Variants in FER observed in about 807,000 individuals in gnomAD.
The protein encoded by FER is tyrosine-protein kinase Fer.
A neutral mutation model predicts 111.0 loss-of-function variants in FER; 63 were observed. The observed-to-expected ratio is 0.57, with a 90% CI of 0.46 to 0.70. The LOEUF (loss-of-function observed/expected upper bound fraction) is 0.70, where lower values mean the gene tolerates loss of function less well. FER is among the 30% of genes least tolerant of loss of function. FER has a pLI of 0.00. For missense variants in FER, 914 were observed against 954.0 expected (o/e 0.96, Z 0.55); for synonymous variants, 327 against 313.9 (o/e 1.04, Z -0.44).
chr5:108,937,686 C>T (rs1439284201), intron 10 of FER, among the ~76,000 whole-genome samples: 1 of 151,732 alleles, frequency 6.6e-6, no homozygotes, highest in Non-Finnish European at 1.5e-5. Flanking sequence ...TGTAGGCATA[C>T]ATGGTCAATA....
At chr5:109,126,589 C>G (rs1026876289) in intron 17 of FER, among the ~76,000 whole-genome samples, 2 of 152,146 alleles carry the variant, frequency 1.3e-5, no homozygotes, top group Non-Finnish European at 2.9e-5. Flanking sequence ...TTCTGTCTCT[C>G]ATGGGTGTGA....
chr5:108,790,122 T>A (rs1216077784), intron 2 of FER, among the ~76,000 whole-genome samples: 2 of 152,076 alleles, frequency 1.3e-5, no homozygotes. Flanking sequence ...GGCCAAGAGT[T>A]TGAGGTGGCA....
At chr5:108,785,875 G>A (rs941630428) in intron 2 of FER, among the ~76,000 whole-genome samples, 1 of 152,232 alleles carries the variant, frequency 6.6e-6, no homozygotes, top group African/African-American at 2.4e-5. Flanking sequence ...TCTTCTTGTT[G>A]TAGGGTTACA....
At chr5:109,142,895 G>A (rs893661611) in intron 17 of FER, among the ~76,000 whole-genome samples, 2 of 152,200 alleles carry the variant, frequency 1.3e-5, no homozygotes, top group African/African-American at 2.4e-5. Flanking sequence ...GCTAGTAGAC[G>A]ATACTGAGGA....
intron 13 of FER, among the ~76,000 whole-genome samples, chr5:109,023,732 C>A (rs1261006836): frequency 6.6e-6 from 1 of 151,884 alleles, no homozygotes; most frequent in Non-Finnish European, 1.5e-5. Context: ...GTTTCACTCA[C>A]CCTATCTAGC....
Position 108,954,944 on chromosome 5 carries a change from G to A in FER, c.1533+12G>A. ...TACAATATGTTGATGTACGTTTCCAGTTTAGTTCATATGTATATTTTGATG... is the reference window on the plus strand; with the variant it reads ...TACAATATGTTGATGTACGTTTCCAATTTAGTTCATATGTATATTTTGATG... On this transcript the variant is annotated intron_variant, in intron 12 of 19. Transcript: ENST00000281092. 3 of 1,594,414 alleles carry A rather than the reference G, an allele frequency of 1.9e-6. No homozygotes were observed. The South Asian group carries it at 3.4e-5, about 18-fold the overall frequency.
At chr5:109,049,789 G>A (rs906086453) in intron 16 of FER, among the ~76,000 whole-genome samples, 1 of 152,172 alleles carries the variant, frequency 6.6e-6, no homozygotes, top group Non-Finnish European at 1.5e-5. Flanking sequence ...CCAGTCGTCT[G>A]TGATGAGTTT....
At chr5:109,003,622 T>C (rs1481579635) in intron 13 of FER, among the ~76,000 whole-genome samples, 2 of 151,422 alleles carry the variant, frequency 1.3e-5, no homozygotes, top group Non-Finnish European at 2.9e-5. Context: ...ATAATAATAA[T>C]AAAATTAAAA....
chr5:109,089,637 A>C (rs1561880691), intron 16 of FER, among the ~76,000 whole-genome samples: 3 of 152,338 alleles, frequency 2.0e-5, no homozygotes, highest in Non-Finnish European at 2.9e-5. Flanking sequence ...GTTGCAGTAC[A>C]CTGGGCAAGT....
chr5:108,822,222 T>TAC (rs150804115), intron 3 of FER, among the ~76,000 whole-genome samples: 34 of 151,900 alleles, frequency 2.2e-4, no homozygotes, highest in South Asian at 1.7e-3. Context: ...TATATGTGTA[T>TAC]ACACACACAC....
chr5:109,110,478 G>A (rs1749475290), intron 17 of FER, among the ~76,000 whole-genome samples: 1 of 152,070 alleles, frequency 6.6e-6, no homozygotes, highest in Non-Finnish European at 1.5e-5. Context: ...GTCAAAGTAA[G>A]CCAGCAAGGT....
chr5:109,129,344 C>T (rs899516635), intron 17 of FER, among the ~76,000 whole-genome samples: 1 of 151,876 alleles, frequency 6.6e-6, no homozygotes, highest in African/African-American at 2.4e-5. Flanking sequence ...TTAATTTTCC[C>T]ATTAATTATT....
chr5:108,888,406 T>A (rs1346582089), intron 9 of FER, among the ~76,000 whole-genome samples: 1 of 151,904 alleles, frequency 6.6e-6, no homozygotes, highest in East Asian at 1.9e-4. Flanking sequence ...TTATCATTGC[T>A]GTGAAATAAG....
At chr5:108,783,335 A>T (rs1754312241) in intron 2 of FER, among the ~76,000 whole-genome samples, 1 of 151,926 alleles carries the variant, frequency 6.6e-6, no homozygotes, top group South Asian at 2.1e-4. Flanking sequence ...CCTTGCTTTG[A>T]TCTTCTATTT....
chr5:108,886,692 TTAG>T (rs1747224178), intron 9 of FER, among the ~76,000 whole-genome samples: 2 of 151,650 alleles, frequency 1.3e-5, no homozygotes, highest in South Asian at 4.1e-4. Flanking sequence ...AGAGAATAAG[TTAG>T]CAGGGGTAAG....
At chr5:108,911,001 T>C (rs1478089766) in intron 10 of FER, among the ~76,000 whole-genome samples, 2 of 152,120 alleles carry the variant, frequency 1.3e-5, no homozygotes, top group Non-Finnish European at 2.9e-5. Flanking sequence ...GATTACTGGG[T>C]CAAATAGTAG....
intron 3 of FER, chr5:108,819,736 TGAGA>T: frequency 1.1e-6 from 1 of 935,708 alleles, no homozygotes; most frequent in Non-Finnish European, 1.3e-6. Context: ...TCATTCTATG[TGAGA>T]GAGAAAAAAA....
chr5:108,862,791 C>T lies in FER; in HGVS notation c.482-4976C>T, dbSNP rs147035652. Among the ~76,000 whole-genome samples, 21 of 151,362 alleles carry T rather than the reference C, an allele frequency of 1.4e-4. No individual in the cohort carries two copies. In the East Asian group the frequency reaches 2.9e-3, roughly 21 times the overall value. On this transcript the variant is annotated intron_variant, in intron 5 of 19. Coordinates refer to ENST00000281092, the MANE Select transcript of FER (RefSeq NM_005246.4). ...GAACTGTTGTCAGAATTAATTTGTT[C>T]AATTTCAAGTAGTTAACAGAAACTT...
intron 17 of FER, among the ~76,000 whole-genome samples, chr5:109,131,676 A>G (rs183419341): frequency 1.1e-3 from 163 of 152,296 alleles, no homozygotes; most frequent in African/African-American, 3.6e-3. Flanking sequence ...CTGATGTTAT[A>G]AATAATGCTG....
Sources: allele counts gnomAD v4.1 joint callset (sites outside exome capture counted in the v4.1 genomes callset), GRCh38; gene constraint gnomAD v4.1.1; transcripts MANE v1.5; gene names NCBI Gene and HGNC (gene_info 2026-07-23, HGNC 2026-07-21).